CSMD2: variants seen among roughly 807,000 people sequenced by gnomAD.
CSMD2 encodes the protein CUB and sushi domain-containing protein 2.
CSMD2 carries 130 observed loss-of-function variants against 398.5 expected under a neutral mutation model. The observed-to-expected ratio is 0.33, with a 90% CI of 0.28 to 0.38. The LOEUF is 0.38. CSMD2 is among the 10% of genes least tolerant of loss of function. The pLI, the probability that CSMD2 is intolerant of heterozygous loss-of-function variation, is 1.00. For missense variants in CSMD2, 3,829 were observed against 4,764.9 expected (o/e 0.80, Z 5.78); for synonymous variants, 1,828 against 1,908.5 (o/e 0.96, Z 1.10).
chr1:33,809,878 A>C (rs1043353367), intron 10 of CSMD2, among the ~76,000 whole-genome samples: 1 of 152,134 alleles, frequency 6.6e-6, no homozygotes, highest in East Asian at 1.9e-4. Flanking sequence ...AACAAGTAGA[A>C]TGTGCAATTT....
At chr1:34,126,661 G>C (rs887793505) in intron 1 of CSMD2, among the ~76,000 whole-genome samples, 1 of 152,310 alleles carries the variant, frequency 6.6e-6, no homozygotes, top group South Asian at 2.1e-4. Flanking sequence ...GGGAGGGCTG[G>C]GAGACACTGC....
chr1:33,663,506 T>A (rs932678374), intron 25 of CSMD2, among the ~76,000 whole-genome samples: 16 of 149,836 alleles, frequency 1.1e-4, no homozygotes, highest in South Asian at 8.5e-4. Context: ...AAAAAAAAAA[T>A]AATTGGGGCT....
intron 2 of CSMD2, among the ~76,000 whole-genome samples, chr1:34,082,932 G>T (rs551648423): frequency 6.6e-5 from 10 of 152,064 alleles, no homozygotes; most frequent in Admixed American, 5.2e-4. Flanking sequence ...CAAACACTGC[G>T]GAAGGCCGCA....
In CSMD2 at chr1:33,808,616, G is replaced by A. The variant is rs190192878; in HGVS notation, c.1446+2127C>T. Among the ~76,000 whole-genome samples the A allele has an allele frequency of 6.6e-5, 10 of 152,088 alleles. No individual in the cohort carries two copies. In the East Asian group the frequency reaches 1.3e-3, roughly 21 times the overall value. ...CAAAGTAGTCCTCAGAGGGAAATTTGTAGCCTTTGATGCTTAAATCAGATT... is the reference window on the plus strand; with the variant it reads ...CAAAGTAGTCCTCAGAGGGAAATTTATAGCCTTTGATGCTTAAATCAGATT... On this transcript the variant is annotated intron_variant, in intron 10 of 70. Coordinates refer to ENST00000373381, the MANE Select transcript of CSMD2 (RefSeq NM_001281956.2).
chr1:34,110,040 CAAAAAAAAAAAAA>C (rs57314887), intron 1 of CSMD2, among the ~76,000 whole-genome samples: 1 of 63,406 alleles, frequency 1.6e-5, no homozygotes, highest in Non-Finnish European at 2.7e-5. Flanking sequence ...GACTCTGTCT[CAAAAAAAAAAAAA>C]AAAAAAAAGA....
At position 33,907,166 on chromosome 1, in the gene CSMD2, T is replaced by C. The variant is rs1643144697; in HGVS notation, c.920+10928A>G. 3.4e-5 allele frequency among the ~76,000 whole-genome samples: 5 copies of C among 146,988 alleles called. No homozygotes were observed. In the Admixed American group the frequency reaches 3.5e-4, roughly 10 times the overall value. On this transcript the variant is annotated intron_variant, in intron 5 of 70. Coordinates refer to ENST00000373381, the MANE Select transcript of CSMD2 (RefSeq NM_001281956.2). ...CGGAGTCTGGCTCTGTCGCCCAGGC[T>C]GGAGTGCAGTGGCGTGAACTCGGCT...
rs985903133 is a variant in CSMD2, at chr1:33,825,683, G to A, written c.1111+14C>T. The A allele has an allele frequency of 7.5e-6, 12 of 1,589,938 alleles. No individual in the cohort carries two copies. Among genetic ancestry groups the A allele is most frequent in the African/African-American group, 1.3e-5 (1 of 74,408 alleles). On this transcript the variant is annotated intron_variant, in intron 7 of 70. Transcript: ENST00000373381. ...CAAGAGGCCCGGCAGGCGGGCTGGC[G>A]GGCGGACACTTACACACAGACGTCT...
chr1:33,605,173 C>G, intron 42 of CSMD2, 109 bp downstream of exon 42: 4 of 1,095,816 alleles, frequency 3.7e-6, no homozygotes, highest in Non-Finnish European at 2.6e-6. Context: ...TTGCCTGGAC[C>G]TCCAGCCCTG....
At chr1:34,034,860 G>A (rs1405146787) in intron 2 of CSMD2, among the ~76,000 whole-genome samples, 3 of 152,174 alleles carry the variant, frequency 2.0e-5, no homozygotes, top group Non-Finnish European at 2.9e-5. Flanking sequence ...TATGTGACAG[G>A]AGGAGGATTC....
chr1:33,727,270 T>C (rs1646566097), intron 15 of CSMD2, among the ~76,000 whole-genome samples: 1 of 152,126 alleles, frequency 6.6e-6, no homozygotes. Context: ...GATGAATGAA[T>C]ACAGTCCAAG....
At chr1:33,898,504 C>T (rs777773385) in intron 5 of CSMD2, among the ~76,000 whole-genome samples, 1 of 152,088 alleles carries the variant, frequency 6.6e-6, no homozygotes, top group Non-Finnish European at 1.5e-5. Flanking sequence ...TAATTAATCC[C>T]CCTGAATAAA....
chr1:33,659,587 C>T (rs1349382898), intron 26 of CSMD2, among the ~76,000 whole-genome samples: 2 of 152,192 alleles, frequency 1.3e-5, no homozygotes, highest in Non-Finnish European at 2.9e-5. Context: ...AGTTTTTAAG[C>T]AAAAATGTGA....
chr1:34,127,196 C>A (rs909489782), intron 1 of CSMD2, among the ~76,000 whole-genome samples: 6 of 152,140 alleles, frequency 3.9e-5, no homozygotes, highest in Non-Finnish European at 8.8e-5. Flanking sequence ...TCCGACCCCC[C>A]AGGTCCCCAT....
chr1:33,548,393 T>C (rs1361515657), intron 56 of CSMD2, among the ~76,000 whole-genome samples: 1 of 152,168 alleles, frequency 6.6e-6, no homozygotes, highest in Non-Finnish European at 1.5e-5. Context: ...GCAAAGAGAA[T>C]GACAGTGGAG....
chr1:34,000,850 G>A (rs553422), intron 3 of CSMD2, among the ~76,000 whole-genome samples: 3,830 of 152,034 alleles, frequency 0.025, 158 homozygotes, highest in African/African-American at 0.086. Context: ...TAAGATAAGC[G>A]AAAACCATGA....
At chr1:33,589,543 G>A (rs554548961) in intron 44 of CSMD2, among the ~76,000 whole-genome samples, 8 of 152,246 alleles carry the variant, frequency 5.3e-5, no homozygotes, top group Non-Finnish European at 1.2e-4. Flanking sequence ...CACGTTAATG[G>A]CCTATTTGCA....
intron 10 of CSMD2, among the ~76,000 whole-genome samples, chr1:33,799,889 C>A (rs1308476177): frequency 6.6e-6 from 1 of 152,182 alleles, no homozygotes; most frequent in East Asian, 1.9e-4. Flanking sequence ...ATTTTCTGCA[C>A]CTCCCAGTCA....
intron 1 of CSMD2, among the ~76,000 whole-genome samples, chr1:34,108,831 G>T (rs142104669): frequency 3.3e-5 from 5 of 152,312 alleles, no homozygotes; most frequent in African/African-American, 1.2e-4. Flanking sequence ...GGAGTCCTGG[G>T]ATAGGGAGGG....
chr1:33,807,681 T>C (rs1034375882), intron 10 of CSMD2, among the ~76,000 whole-genome samples: 1 of 152,152 alleles, frequency 6.6e-6, no homozygotes, highest in Admixed American at 6.5e-5. Flanking sequence ...AGTCATAGTG[T>C]CCTAAGATCC....
Sources: allele counts gnomAD v4.1 joint callset (sites outside exome capture counted in the v4.1 genomes callset), GRCh38; gene constraint gnomAD v4.1.1; transcripts MANE v1.5; gene names NCBI Gene and HGNC (gene_info 2026-07-23, HGNC 2026-07-21).